Variants in BICC1 observed in about 807,000 individuals in gnomAD.
BICC1 encodes protein bicaudal C homolog 1.
Under a neutral mutation model 111.0 loss-of-function variants are expected in BICC1, and 43 were observed. The observed-to-expected ratio is 0.39, with a 90% CI of 0.30 to 0.50. The LOEUF is 0.50. Among genes scored for constraint, BICC1 ranks in the 20% least tolerant of loss-of-function variants. The pLI is 0.88. For missense variants in BICC1, 1,091 were observed against 1,203.2 expected (o/e 0.91, Z 1.38); for synonymous variants, 467 against 434.4 (o/e 1.07, Z -0.93).
At chr10:58,533,655 C>G (rs571392666) in intron 1 of BICC1, among the ~76,000 whole-genome samples, 1 of 151,678 alleles carries the variant, frequency 6.6e-6, no homozygotes, top group Non-Finnish European at 1.5e-5. Context: ...GAATTAATTA[C>G]CATTATGCCT....
chr10:58,682,597 T>G (rs1423058405), intron 2 of BICC1, among the ~76,000 whole-genome samples: 1 of 152,210 alleles, frequency 6.6e-6, no homozygotes, highest in Non-Finnish European at 1.5e-5. Flanking sequence ...GTGGTTTTGA[T>G]TTGCATTTCT....
At chr10:58,631,387 TTTTC>T (rs1837789395) in intron 2 of BICC1, among the ~76,000 whole-genome samples, 1 of 152,128 alleles carries the variant, frequency 6.6e-6, no homozygotes. Context: ...TGGCAGGTTT[TTTTC>T]TTTCTTTTTT....
rs143684580 is a variant in BICC1, at chr10:58,569,409, T to C, written c.191-51446T>C. 1.6e-3 allele frequency among the ~76,000 whole-genome samples: 245 copies of C among 152,288 alleles called. 3 individuals carry two copies. Among genetic ancestry groups the C allele is most frequent in the African/African-American group, 5.7e-3 (236 of 41,578 alleles). On this transcript the variant is annotated intron_variant, in intron 1 of 20. Coordinates refer to ENST00000373886, the MANE Select transcript of BICC1 (RefSeq NM_001080512.3). ...AAATGGAATGTCTTTTTAAAAAGTA[T>C]ACTTTAAGTTCTGAGATACATGTGC...
At chr10:58,740,780 G>A (rs9416740) in intron 3 of BICC1, among the ~76,000 whole-genome samples, 45,302 of 152,048 alleles carry the variant, frequency 0.3, 7,740 homozygotes, top group African/African-American at 0.47. Flanking sequence ...ATTTGAGTTG[G>A]CCTTGAAGGA....
intron 2 of BICC1, among the ~76,000 whole-genome samples, chr10:58,693,706 T>A (rs953198624): frequency 6.6e-6 from 1 of 151,964 alleles, no homozygotes; most frequent in Non-Finnish European, 1.5e-5. Context: ...TTTGATGGGG[T>A]TGTTTGTTTT....
intron 20 of BICC1, among the ~76,000 whole-genome samples, chr10:58,827,828 T>C (rs1338373093): frequency 6.6e-6 from 1 of 152,194 alleles, no homozygotes; most frequent in African/African-American, 2.4e-5. Context: ...TGCCTGCCTC[T>C]CCTTCCACCA....
chr10:58,618,609 C>A (rs1009173505), intron 1 of BICC1, among the ~76,000 whole-genome samples: 1 of 152,174 alleles, frequency 6.6e-6, no homozygotes, highest in Admixed American at 6.5e-5. Context: ...TCATCCACCC[C>A]CTCCCCTTGG....
chr10:58,789,670 C>T lies in BICC1; in HGVS notation c.796-12C>T. On this transcript the variant is annotated splice_polypyrimidine_tract_variant and intron_variant, in intron 7 of 20. Transcript: ENST00000373886. ...TGTATAGGATTATTTCTTTCCCACCCTTTTCTCTTAGGAAGGAACTGCCAT... is the reference window on the plus strand; with the variant it reads ...TGTATAGGATTATTTCTTTCCCACCTTTTTCTCTTAGGAAGGAACTGCCAT... The T allele has an allele frequency of 1.2e-6, 2 of 1,613,792 alleles. No individual in the cohort carries two copies. The highest frequency in any genetic ancestry group is 2.2e-5 in the East Asian group (1 of 44,870).
At chr10:58,513,909 G>T (rs905097778) in intron 1 of BICC1, among the ~76,000 whole-genome samples, 1 of 152,234 alleles carries the variant, frequency 6.6e-6, no homozygotes, top group African/African-American at 2.4e-5. Flanking sequence ...AGCGAGGGGG[G>T]AGTGTGGAGG....
rs1838487469 is a variant in BICC1 at position 58,652,649 on chromosome 10, G to A, written c.237+31748G>A. Among the ~76,000 whole-genome samples the A allele has an allele frequency of 2.0e-5, 3 of 151,884 alleles. No homozygotes were observed. In the South Asian group the frequency reaches 6.2e-4, roughly 32 times the overall value. ...TATAATGTCTTGTTGCCTTACCTTG[G>A]AATTAATTTTCTTTTAATTTTTTAA... On this transcript the variant is annotated intron_variant, in intron 2 of 20. Transcript: ENST00000373886.
At chr10:58,515,182 G>A (rs1244800942) in intron 1 of BICC1, among the ~76,000 whole-genome samples, 1 of 152,146 alleles carries the variant, frequency 6.6e-6, no homozygotes, top group East Asian at 1.9e-4. Flanking sequence ...GATCTGAGAC[G>A]GTTTGAAATT....
Position 58,777,251 on chromosome 10 carries a change from A to C in BICC1, c.308-7750A>C, listed in dbSNP as rs371361739. ...AACAGCTTTGATAAGTCACAGTGGA[A>C]TCTTAACACAAACTGGCATATGCAC... On this transcript the variant is annotated intron_variant, in intron 3 of 20. Transcript: ENST00000373886. Among the ~76,000 whole-genome samples, 21 of 152,072 alleles carry C rather than the reference A, an allele frequency of 1.4e-4. No homozygotes were observed. The East Asian group carries it at 3.7e-3, about 27-fold the overall frequency.
chr10:58,553,376 G>A (rs941978104), intron 1 of BICC1, among the ~76,000 whole-genome samples: 5 of 152,170 alleles, frequency 3.3e-5, no homozygotes, highest in Non-Finnish European at 7.3e-5. Flanking sequence ...GATTGGAATT[G>A]TTGGACTTCA....
At chr10:58,655,958 A>G (rs1838630815) in intron 2 of BICC1, among the ~76,000 whole-genome samples, 1 of 152,104 alleles carries the variant, frequency 6.6e-6, no homozygotes, top group Non-Finnish European at 1.5e-5. Flanking sequence ...TAGCAAGACT[A>G]ATAAAGAAAA....
At chr10:58,625,364 A>C (rs915866126) in intron 2 of BICC1, among the ~76,000 whole-genome samples, 2 of 152,198 alleles carry the variant, frequency 1.3e-5, no homozygotes, top group Non-Finnish European at 2.9e-5. Flanking sequence ...ATTGTATTAC[A>C]CATGTGACTC....
At chr10:58,559,912 C>G (rs974089319) in intron 1 of BICC1, among the ~76,000 whole-genome samples, 1 of 151,646 alleles carries the variant, frequency 6.6e-6, no homozygotes, top group Non-Finnish European at 1.5e-5. Context: ...TGGGATAAAG[C>G]CCACCTGATC....
intron 20 of BICC1, among the ~76,000 whole-genome samples, chr10:58,825,992 A>T (rs1589178712): frequency 7.6e-6 from 1 of 132,378 alleles, no homozygotes; most frequent in Non-Finnish European, 1.6e-5. Flanking sequence ...ACTATTGTTT[A>T]AAAAAAAAAA....
chr10:58,533,568 A>G (rs148794091), intron 1 of BICC1, among the ~76,000 whole-genome samples: 17 of 151,894 alleles, frequency 1.1e-4, no homozygotes, highest in African/African-American at 4.1e-4. Flanking sequence ...AAACCTGACA[A>G]TCAAGAATAG....
intron 20 of BICC1, among the ~76,000 whole-genome samples, chr10:58,827,910 A>G (rs1844446139): frequency 6.6e-6 from 1 of 152,018 alleles, no homozygotes. Context: ...TTCTCAACCT[A>G]CTCAACGTGA....
Sources: allele counts gnomAD v4.1 joint callset (sites outside exome capture counted in the v4.1 genomes callset), GRCh38; gene constraint gnomAD v4.1.1; transcripts MANE v1.5; gene names NCBI Gene and HGNC (gene_info 2026-07-23, HGNC 2026-07-21).